Variants in NCOR2 observed in about 807,000 individuals in gnomAD.
NCOR2 encodes the protein nuclear receptor corepressor 2, also known as CTG repeat protein 26.
A neutral mutation model predicts 262.9 loss-of-function variants in NCOR2; 81 were observed. That is an observed-to-expected ratio of 0.31 (90% confidence interval 0.26 to 0.37). The LOEUF is 0.37. NCOR2 is among the 10% of genes least tolerant of loss of function. The probability of loss-of-function intolerance (pLI) is 1.00; values close to 1 mark genes in which losing one functional copy is unlikely to be tolerated. For synonymous variants in NCOR2, 1,659 were observed against 1,559.3 expected (o/e 1.06, Z -1.51); for missense variants, 3,385 against 3,621.4 (o/e 0.93, Z 1.68).
At chr12:124,346,471 C>G in intron 31 of NCOR2, 93 bp downstream of exon 33, 1 of 1,317,788 alleles carries the variant, frequency 7.6e-7, no homozygotes, top group Non-Finnish European at 9.9e-7. Context: ...CTCTCAGCCT[C>G]GGTTTCCCCA....
At chr12:124,339,470 T>A (rs1478771946) in intron 37 of NCOR2, among the ~76,000 whole-genome samples, 2 of 116,086 alleles carry the variant, frequency 1.7e-5, no homozygotes, top group Non-Finnish European at 3.6e-5. Flanking sequence ...CTACCTAACG[T>A]GACCACCCAC....
At chr12:124,331,255 G>T (rs534655704) in intron 43 of NCOR2, among the ~76,000 whole-genome samples, 2 of 151,950 alleles carry the variant, frequency 1.3e-5, no homozygotes, top group African/African-American at 4.8e-5. Context: ...TAGAGACGGG[G>T]TTTCACCATG....
intron 1 of NCOR2, chr12:124,513,489 T>C (rs1277946896): frequency 2.6e-5 from 4 of 152,246 alleles, no homozygotes; most frequent in Admixed American, 2.6e-4. Context: ...AGAGGGACTT[T>C]TGGGGATGAA....
Position 124,335,558 on chromosome 12 carries a change from C to T in NCOR2, c.6190G>A (p.Asp2064Asn), listed in dbSNP as rs775031589. Residue 2064 changes from aspartate to asparagine, a missense_variant, in exon 39 of 47, where the codon GAC becomes AAC. This residue lies in a region of NCOR2 where 1,017 missense variants were observed against 967.2 expected (regional missense o/e 1.05). Coordinates refer to ENST00000405201, the Ensembl canonical transcript of NCOR2. ...TCCAGGTGCTTGGGGAGCCCCTTGT[C>T]GTGGGTCAGACTGGGTGAGCTCACA... 13 of 1,609,376 alleles carry T rather than the reference C, an allele frequency of 8.1e-6. No individual in the cohort carries two copies. Among genetic ancestry groups the T allele is most frequent in the Admixed American group, 6.7e-5 (4 of 59,972 alleles).
chr12:124,396,774 A>G (rs925740555), intron 16 of NCOR2, among the ~76,000 whole-genome samples: 1 of 151,864 alleles, frequency 6.6e-6, no homozygotes, highest in South Asian at 2.1e-4. Flanking sequence ...GGCTGTGGGG[A>G]CCCTCAGCAC....
At chr12:124,343,268 G>T (rs1218829982) in intron 32 of NCOR2, 42 bp from the exon 35 acceptor site, 4 of 1,555,178 alleles carry the variant, frequency 2.6e-6, no homozygotes, top group Non-Finnish European at 2.6e-6. Flanking sequence ...TCTGGGGCTG[G>T]CATTTACGGG....
At chr12:124,415,976 T>C (rs890540452) in intron 13 of NCOR2, among the ~76,000 whole-genome samples, 1 of 152,112 alleles carries the variant, frequency 6.6e-6, no homozygotes, top group Admixed American at 6.5e-5. Context: ...TGAGCTGTTT[T>C]TTCCCTTTTT....
chr12:124,402,664 GA>G, intron 13 of NCOR2, 103 bp from the exon 16 acceptor site: 1 of 1,524,976 alleles, frequency 6.6e-7, no homozygotes, highest in Non-Finnish European at 8.8e-7. Flanking sequence ...GGAGGAGGAG[GA>G]AAACCCGTGG....
At chr12:124,367,519 G>A (rs2039133728) in intron 20 of NCOR2, among the ~76,000 whole-genome samples, 1 of 152,212 alleles carries the variant, frequency 6.6e-6, no homozygotes, top group African/African-American at 2.4e-5. Flanking sequence ...TCAGAGCTCA[G>A]GGCCCATCTG....
At chr12:124,338,843 A>T (rs1170543967) in intron 37 of NCOR2, among the ~76,000 whole-genome samples, 1 of 151,588 alleles carries the variant, frequency 6.6e-6, no homozygotes, top group Non-Finnish European at 1.5e-5. Context: ...GCCTCCATCC[A>T]CTCATCCCCA....
At chr12:124,325,392 C>CCCCCCCCCCGGG in exon 47 of NCOR2, 1 of 1,152,270 alleles carries the variant, frequency 8.7e-7, no homozygotes, top group Non-Finnish European at 1.1e-6. Context: ...CCCCCCCGCC[C>CCCCCCCCCCGGG]TGTTCTGAGT....
intron 13 of NCOR2, among the ~76,000 whole-genome samples, chr12:124,414,916 C>T (rs2042776211): frequency 6.6e-6 from 1 of 152,112 alleles, no homozygotes; most frequent in African/African-American, 2.4e-5. Flanking sequence ...TGGGCAGGGG[C>T]TCGTGTGCTC....
At chr12:124,489,778 G>A (rs899273238) in intron 1 of NCOR2, among the ~76,000 whole-genome samples, 1 of 152,192 alleles carries the variant, frequency 6.6e-6, no homozygotes, top group Non-Finnish European at 1.5e-5. Flanking sequence ...TGCCTTCTTG[G>A]CTGGGTCCCA....
intron 1 of NCOR2, among the ~76,000 whole-genome samples, chr12:124,502,223 T>C (rs939868542): frequency 2.0e-5 from 3 of 151,580 alleles, no homozygotes; most frequent in East Asian, 3.9e-4. Flanking sequence ...AGGAAGGGGG[T>C]GAAGAGAGAG....
intron 13 of NCOR2, among the ~76,000 whole-genome samples, chr12:124,417,086 G>GTCACTCCACGGGGAGCAGACCAGACAC (rs2042924279): frequency 9.6e-6 from 1 of 103,994 alleles, no homozygotes; most frequent in Non-Finnish European, 1.9e-5. Context: ...AGGCCGGACA[G>GTCACTCCACGGGGAGCAGACCAGACAC]TCACTCCACG....
chr12:124,426,793 T>C, exon 11 of NCOR2: 1 of 1,578,004 alleles, frequency 6.3e-7, no homozygotes, highest in East Asian at 2.3e-5. Flanking sequence ...CATCTGCTTC[T>C]CCAGGTTCTG....
chr12:124,348,149 G>A (rs866793176), intron 29 of NCOR2, 25 bp downstream of exon 31: 2 of 1,607,228 alleles, frequency 1.2e-6, no homozygotes, highest in Middle Eastern at 1.7e-4. Context: ...GGCACCGAGA[G>A]ATGAAGTCTC....
chr12:124,466,022 ACCCAC>A, intron 5 of NCOR2, 146 bp downstream of exon 7: 2 of 740,964 alleles, frequency 2.7e-6, no homozygotes, highest in South Asian at 1.9e-5. Context: ...ACCTTCCCCC[ACCCAC>A]TCATAAACCC....
intron 34 of NCOR2, 135 bp from the exon 37 acceptor site, chr12:124,340,886 T>A: frequency 1.2e-6 from 1 of 855,108 alleles, no homozygotes. Flanking sequence ...CACTCCCTCC[T>A]CGGCTCCCAG....
Sources: allele counts gnomAD v4.1 joint callset (sites outside exome capture counted in the v4.1 genomes callset), GRCh38; gene constraint gnomAD v4.1.1; regional missense constraint gnomAD v4.1.1; transcripts MANE v1.5; gene names NCBI Gene and HGNC (gene_info 2026-07-23, HGNC 2026-07-21).